KRTAP19-5: variants seen among roughly 807,000 people sequenced by gnomAD.
KRTAP19-5 encodes keratin associated protein 19-5, also known as keratin-associated protein 19-5.
For synonymous variants in KRTAP19-5, 44 were observed against 40.7 expected (o/e 1.08, Z -0.31); for missense variants, 91 against 96.1 (o/e 0.95, Z 0.22).
In KRTAP19-5 at chr21:30,502,078, C is replaced by T. The variant is rs773868317; in HGVS notation, c.13G>A (p.Gly5Ser). 1.6e-5 allele frequency: 26 copies of T among 1,614,000 alleles called. No homozygotes were observed. The highest frequency in any genetic ancestry group is 4.5e-5 in the East Asian group (2 of 44,874). ...TAGCCCAGGCCTCCATAGTAGTTGC[C>T]GTAGTAGTTCATGGTGTCAGGAGTG... MNYYGNYYGGLGYGY... is the reference protein window; with the variant it reads MNYYSNYYGGLGYGY... The change falls in exon 1 of 1, where the codon GGC (glycine) becomes AGC (serine). Residue 5 changes from glycine (G) to serine (S), a missense_variant. Physicochemically the swap from Gly to Ser is moderately conservative, Grantham distance 56. Transcript: ENST00000334151.
chr21:30,502,129 A>C lies in KRTAP19-5; in HGVS notation c.-39T>G. 6.5e-7 allele frequency: 1 copy of C among 1,549,922 alleles called. No homozygotes were observed. The highest frequency in any genetic ancestry group is 8.9e-7 in the Non-Finnish European group (1 of 1,121,408). On this transcript the variant is annotated 5_prime_UTR_variant, in exon 1 of 1. Transcript: ENST00000334151. ...GTGAGTTGGTATGCTGCTCAAGGCAAGATCCTGAGTGTGAACACCAGCATG... is the reference window on the plus strand; with the variant it reads ...GTGAGTTGGTATGCTGCTCAAGGCACGATCCTGAGTGTGAACACCAGCATG...
chr21:30,501,821 G>A lies in KRTAP19-5; in HGVS notation c.*51C>T, dbSNP rs185516629. The stretch of plus-strand genomic sequence containing the variant: ...CTCGTTTGTTTGTTATTGCAGTCAG[G>A]TTTGGGTGATCTTCTTATGTCCCCT... On this transcript the variant is annotated 3_prime_UTR_variant, in exon 1 of 1. Transcript: ENST00000334151. 5.0e-5 allele frequency: 79 copies of A among 1,565,936 alleles called. No individual in the cohort carries two copies. In the Middle Eastern group the frequency reaches 8.4e-4, roughly 17 times the overall value.
chr21:30,501,694 A>G lies in KRTAP19-5; in HGVS notation c.*178T>C. On this transcript the variant is annotated 3_prime_UTR_variant, in exon 1 of 1. Coordinates refer to ENST00000334151, the MANE Select transcript of KRTAP19-5 (RefSeq NM_181611.3). ...ACCCCACAGTTATAAAGGTACAAGT[A>G]AGACACATCCAGAGACATAAAGCAA... 1.7e-6 allele frequency: 1 copy of G among 604,252 alleles called. No individual in the cohort carries two copies. The highest frequency in any genetic ancestry group is 2.9e-6 in the Non-Finnish European group (1 of 339,436). 37.4% of individuals were successfully genotyped at this position (604,252 alleles called of 1,614,324 possible).
rs367860556 is a variant in KRTAP19-5, at chr21:30,502,052, G to A, written c.39C>T (p.Tyr13=). Residue 13 remains tyrosine, a synonymous_variant, in exon 1 of 1, where the codon TAC becomes TAT. Coordinates refer to ENST00000334151, the MANE Select transcript of KRTAP19-5 (RefSeq NM_181611.3). ...CCAGGTCATCGAAGCCTCCGTAGCC[G>A]TAGCCCAGGCCTCCATAGTAGTTGC... ...YYGNYYGGLG[Y]GYGGFDDLGY... is the part of the protein sequence containing the mutation. 4.8e-4 allele frequency: 782 copies of A among 1,614,106 alleles called. 2 individuals carry two copies. Among genetic ancestry groups the A allele is most frequent in the Middle Eastern group, 9.9e-4 (6 of 6,062 alleles).
Position 30,502,036 on chromosome 21 carries a change from C to T in KRTAP19-5, c.55G>A (p.Asp19Asn), listed in dbSNP as rs748734373. The part of the protein sequence containing the change: ...GGLGYGYGGF[D>N]DLGYGYGCGC... The stretch of plus-strand genomic sequence containing the variant: ...CAGCCATAGCCATAGCCCAGGTCAT[C>T]GAAGCCTCCGTAGCCGTAGCCCAGG... Residue 19 changes from aspartate to asparagine, a missense_variant, in exon 1 of 1, where the codon GAT (aspartate) becomes AAT (asparagine). Physicochemically the swap from Asp to Asn is conservative, Grantham distance 23. Transcript: ENST00000334151. 2.5e-6 allele frequency: 4 copies of T among 1,614,062 alleles called. No individual in the cohort carries two copies. The highest frequency in any genetic ancestry group is 2.7e-5 in the African/African-American group (2 of 74,912).
In KRTAP19-5 at chr21:30,501,825, G is replaced by T; in HGVS notation, c.*47C>A. The T allele has an allele frequency of 6.4e-7, 1 of 1,570,420 alleles. No homozygotes were observed. The highest frequency in any genetic ancestry group is 8.8e-7 in the Non-Finnish European group (1 of 1,140,438). ...TTTGTTTGTTATTGCAGTCAGGTTT[G>T]GGTGATCTTCTTATGTCCCCTCATG... On this transcript the variant is annotated 3_prime_UTR_variant, in exon 1 of 1. Coordinates refer to ENST00000334151, the MANE Select transcript of KRTAP19-5 (RefSeq NM_181611.3).
At position 30,502,055 on chromosome 21, in the gene KRTAP19-5, G is replaced by C; in HGVS notation, c.36C>G (p.Gly12=). The change falls in exon 1 of 1, where the codon GGC becomes GGG. Residue 12 remains glycine, a synonymous_variant. Coordinates refer to ENST00000334151, the MANE Select transcript of KRTAP19-5 (RefSeq NM_181611.3). ...NYYGNYYGGL[G]YGYGGFDDLG... ...GGTCATCGAAGCCTCCGTAGCCGTA[G>C]CCCAGGCCTCCATAGTAGTTGCCGT... is the stretch of plus-strand genomic sequence containing the variant. 1 of 1,614,168 alleles carries C rather than the reference G, an allele frequency of 6.2e-7. No homozygotes were observed. Among genetic ancestry groups the C allele is most frequent in the South Asian group, 1.1e-5 (1 of 91,086 alleles).
Position 30,501,788 on chromosome 21 carries a change from AG to A in KRTAP19-5, c.*83del. 1 of 1,297,010 alleles carries A rather than the reference AG, an allele frequency of 7.7e-7. No homozygotes were observed. Among genetic ancestry groups the A allele is most frequent in the Non-Finnish European group, 1.1e-6 (1 of 895,456 alleles). 80.3% of individuals were successfully genotyped at this position (1,297,010 alleles called of 1,614,324 possible). On this transcript the variant is annotated 3_prime_UTR_variant, in exon 1 of 1. Coordinates refer to ENST00000334151, the MANE Select transcript of KRTAP19-5 (RefSeq NM_181611.3). ...ACTGCTCTTGATCTTGGCTTGATCC[AG>A]GGTGACCTCGTTTGTTTGTTATTGC...
At position 30,501,910 on chromosome 21, in the gene KRTAP19-5, A is replaced by G; in HGVS notation, c.181T>C (p.Ser61Pro). ...GAGAATCCATATCCTCCATAGCATG[A>G]TGGACGGCAGCTGCGGTATCCATAG... ...GGYGYRSCRP[S>P]CYGGYGFSGF... Residue 61 changes from serine to proline, a missense_variant, in exon 1 of 1, where the codon TCA becomes CCA. Ser to Pro is a moderately conservative substitution (Grantham distance 74). Transcript: ENST00000334151. 6.2e-7 allele frequency: 1 copy of G among 1,614,134 alleles called. No individual in the cohort carries two copies.
chr21:30,501,689 CAAGT>C lies in KRTAP19-5; in HGVS notation c.*179_*182del. The stretch of plus-strand genomic sequence containing the variant: ...GAGAAACCCCACAGTTATAAAGGTA[CAAGT>C]AAGACACATCCAGAGACATAAAGCA... On this transcript the variant is annotated 3_prime_UTR_variant, in exon 1 of 1. Transcript: ENST00000334151. 1 of 590,820 alleles carries C rather than the reference CAAGT, an allele frequency of 1.7e-6. No individual in the cohort carries two copies. The allele number at this position is 590,820 out of a possible 1,614,324, so 36.6% of individuals were successfully genotyped here. A position where few individuals can be genotyped will look rare whatever the true frequency, so the allele number is the denominator to read the frequency against.
rs189841242 is a variant in KRTAP19-5 at position 30,501,746 on chromosome 21, A to G, written c.*126T>C. The stretch of plus-strand genomic sequence containing the variant: ...GAATTATGGAATGATAGGTATTCTT[A>G]AACCTCTTAGATGCTAACTGCTCTT... On this transcript the variant is annotated 3_prime_UTR_variant, in exon 1 of 1. Coordinates refer to ENST00000334151, the MANE Select transcript of KRTAP19-5 (RefSeq NM_181611.3). The G allele has an allele frequency of 1.5e-4, 122 of 813,622 alleles. No individual in the cohort carries two copies. Among genetic ancestry groups the G allele is most frequent in the Non-Finnish European group, 2.3e-4 (110 of 481,530 alleles). 50.4% of individuals were successfully genotyped at this position (813,622 alleles called of 1,614,324 possible). A position where few individuals can be genotyped will look rare whatever the true frequency, so the allele number is the denominator to read the frequency against.
Position 30,501,771 on chromosome 21 carries a change from T to G in KRTAP19-5, c.*101A>C. On this transcript the variant is annotated 3_prime_UTR_variant, in exon 1 of 1. Transcript: ENST00000334151. ...AAACCTCTTAGATGCTAACTGCTCT[T>G]GATCTTGGCTTGATCCAGGGTGACC... 21 of 1,071,992 alleles carry G rather than the reference T, an allele frequency of 2.0e-5. No homozygotes were observed. The highest frequency in any genetic ancestry group is 3.0e-5 in the Non-Finnish European group (21 of 696,976). 66.4% of individuals were successfully genotyped at this position (1,071,992 alleles called of 1,614,324 possible). A position where few individuals can be genotyped will look rare whatever the true frequency, so the allele number is the denominator to read the frequency against.
Position 30,501,832 on chromosome 21 carries a change from C to G in KRTAP19-5, c.*40G>C, listed in dbSNP as rs775455666. ...GTTATTGCAGTCAGGTTTGGGTGAT[C>G]TTCTTATGTCCCCTCATGTTAGGTT... On this transcript the variant is annotated 3_prime_UTR_variant, in exon 1 of 1. Transcript: ENST00000334151. The G allele has an allele frequency of 6.3e-7, 1 of 1,594,662 alleles. No individual in the cohort carries two copies. Among genetic ancestry groups the G allele is most frequent in the Non-Finnish European group, 8.6e-7 (1 of 1,162,524 alleles).
In KRTAP19-5 at chr21:30,501,875, A is replaced by G. The variant is rs151229268; in HGVS notation, c.216T>C (p.Tyr72=). ...GTTAGGTTGTCAGGGAAGGATTTCA[A>G]TAAAATCCAGAGAATCCATATCCTC... is the stretch of plus-strand genomic sequence containing the variant. The part of the protein sequence containing the change: ...CYGGYGFSGF[Y] Residue 72 remains tyrosine, a synonymous_variant, in exon 1 of 1, where the codon TAT becomes TAC. Coordinates refer to ENST00000334151, the MANE Select transcript of KRTAP19-5 (RefSeq NM_181611.3). 9.9e-5 allele frequency: 159 copies of G among 1,613,594 alleles called. No homozygotes were observed. The African/African-American group carries it at 1.7e-3, about 18-fold the overall frequency.
Position 30,501,923 on chromosome 21 carries a change from G to T in KRTAP19-5, c.168C>A (p.Arg56=), listed in dbSNP as rs150340950. 0.02 allele frequency: 32,706 copies of T among 1,614,116 alleles called. 392 individuals are homozygous for T. Among genetic ancestry groups the T allele is most frequent in the Non-Finnish European group, 0.023 (27,451 of 1,180,004 alleles). The change falls in exon 1 of 1, where the codon CGC becomes CGA. Residue 56 remains arginine (R), a synonymous_variant. Coordinates refer to ENST00000334151, the MANE Select transcript of KRTAP19-5 (RefSeq NM_181611.3). Reference sequence around the variant, plus strand: ...CTCCATAGCATGATGGACGGCAGCTGCGGTATCCATAGCCTCCGAAGCCAG... The same window carrying T: ...CTCCATAGCATGATGGACGGCAGCTTCGGTATCCATAGCCTCCGAAGCCAG... ...YGSGFGGYGY[R]SCRPSCYGGY...
chr21:30,502,013 G>A lies in KRTAP19-5; in HGVS notation c.78C>T (p.Gly26=). The A allele has an allele frequency of 1.2e-6, 2 of 1,614,148 alleles. No individual in the cohort carries two copies. The highest frequency in any genetic ancestry group is 1.7e-6 in the Non-Finnish European group (2 of 1,180,008). The change falls in exon 1 of 1, where the codon GGC becomes GGT. Residue 26 remains glycine (G), a synonymous_variant. Transcript: ENST00000334151. ...GGFDDLGYGY[G]CGCGSFRRLG... is the part of the protein sequence containing the mutation. Reference sequence around the variant, plus strand: ...GTCTGCGGAAGCTGCCACATCCACAGCCATAGCCATAGCCCAGGTCATCGA... The same window carrying A: ...GTCTGCGGAAGCTGCCACATCCACAACCATAGCCATAGCCCAGGTCATCGA...
In KRTAP19-5 at chr21:30,501,795, C is replaced by T. The variant is rs1255088494; in HGVS notation, c.*77G>A. The T allele has an allele frequency of 3.6e-6, 5 of 1,370,572 alleles. No individual in the cohort carries two copies. Among genetic ancestry groups the T allele is most frequent in the Non-Finnish European group, 5.2e-6 (5 of 961,066 alleles). The allele number at this position is 1,370,572 out of a possible 1,614,324, so 84.9% of individuals were successfully genotyped here. A position where few individuals can be genotyped will look rare whatever the true frequency, so the allele number is the denominator to read the frequency against. On this transcript the variant is annotated 3_prime_UTR_variant, in exon 1 of 1. Coordinates refer to ENST00000334151, the MANE Select transcript of KRTAP19-5 (RefSeq NM_181611.3). ...TTGATCTTGGCTTGATCCAGGGTGA[C>T]CTCGTTTGTTTGTTATTGCAGTCAG...
At position 30,501,803 on chromosome 21, in the gene KRTAP19-5, G is replaced by A; in HGVS notation, c.*69C>T. On this transcript the variant is annotated 3_prime_UTR_variant, in exon 1 of 1. Coordinates refer to ENST00000334151, the MANE Select transcript of KRTAP19-5 (RefSeq NM_181611.3). The stretch of plus-strand genomic sequence containing the variant: ...GGCTTGATCCAGGGTGACCTCGTTT[G>A]TTTGTTATTGCAGTCAGGTTTGGGT... 6.8e-7 allele frequency: 1 copy of A among 1,471,064 alleles called. No individual in the cohort carries two copies. The highest frequency in any genetic ancestry group is 9.5e-7 in the Non-Finnish European group (1 of 1,051,048). The allele number at this position is 1,471,064 out of a possible 1,614,324, so 91.1% of individuals were successfully genotyped here. A position where few individuals can be genotyped will look rare whatever the true frequency, so the allele number is the denominator to read the frequency against.
Position 30,502,132 on chromosome 21 carries a change from T to A in KRTAP19-5, c.-42A>T, listed in dbSNP as rs1191973348. On this transcript the variant is annotated 5_prime_UTR_variant, in exon 1 of 1. Transcript: ENST00000334151. ...AGTTGGTATGCTGCTCAAGGCAAGA[T>A]CCTGAGTGTGAACACCAGCATGTGT... The A allele has an allele frequency of 6.5e-7, 1 of 1,536,666 alleles. No individual in the cohort carries two copies.
Sources: allele counts gnomAD v4.1 joint callset, GRCh38; gene constraint gnomAD v4.1.1; transcripts MANE v1.5; gene names NCBI Gene and HGNC (gene_info 2026-07-23, HGNC 2026-07-21).